The following GRID1 variants were observed in gnomAD, a reference collection of about 807,000 sequenced individuals.
GRID1 encodes glutamate receptor ionotropic, delta-1.
In GRID1, 28 loss-of-function variants were observed where a neutral mutation model predicts 98.0. The ratio of observed to expected loss-of-function variants is 0.29; its 90% CI spans 0.21 to 0.39. GRID1 has a LOEUF of 0.39. GRID1 is among the 10% of genes least tolerant of loss of function. The pLI is 1.00. For synonymous variants in GRID1, 553 were observed against 538.5 expected (o/e 1.03, Z -0.37); for missense variants, 1,111 against 1,340.5 (o/e 0.83, Z 2.67).
At chr10:85,617,488 C>T (rs539609862) in intron 14 of GRID1, among the ~76,000 whole-genome samples, 3 of 152,212 alleles carry the variant, frequency 2.0e-5, no homozygotes, top group South Asian at 4.1e-4. Context: ...CCCGCCTCAG[C>T]CTCCCAAAGT....
Position 85,604,805 on chromosome 10 carries a change from T to C in GRID1, c.2602-2104A>G, listed in dbSNP as rs187434263. Among the ~76,000 whole-genome samples the C allele has an allele frequency of 3.8e-3, 577 of 152,324 alleles. 5 individuals are homozygous for C. Among genetic ancestry groups the C allele is most frequent in the Non-Finnish European group, 3.3e-3 (227 of 68,030 alleles). ...TGCATGTAAGACTACTTTAGGAATATTTTATAACCGTTATACAGTGTGTTA... is the reference window on the plus strand; with the variant it reads ...TGCATGTAAGACTACTTTAGGAATACTTTATAACCGTTATACAGTGTGTTA... On this transcript the variant is annotated intron_variant, in intron 15 of 15. Coordinates refer to ENST00000327946, the MANE Select transcript of GRID1 (RefSeq NM_017551.3).
At chr10:85,786,752 C>T (rs901707177) in intron 8 of GRID1, among the ~76,000 whole-genome samples, 29 of 152,206 alleles carry the variant, frequency 1.9e-4, no homozygotes, top group African/African-American at 7.0e-4. Context: ...TGCCCCACCC[C>T]CCGCCAGGAC....
intron 2 of GRID1, among the ~76,000 whole-genome samples, chr10:86,323,489 T>C (rs1847998901): frequency 6.6e-6 from 1 of 152,282 alleles, no homozygotes; most frequent in South Asian, 2.1e-4. Context: ...CTACTCAGCT[T>C]TTAGGAAGGA....
intron 2 of GRID1, among the ~76,000 whole-genome samples, chr10:86,323,025 G>A (rs1375889053): frequency 1.3e-5 from 2 of 152,038 alleles, no homozygotes; most frequent in African/African-American, 2.4e-5. Context: ...AACCTGGGAG[G>A]TGCAGAAGTT....
chr10:86,295,224 T>G (rs1344539094), intron 2 of GRID1, among the ~76,000 whole-genome samples: 2 of 151,980 alleles, frequency 1.3e-5, no homozygotes, highest in African/African-American at 4.8e-5. Context: ...AGCGCAGGAA[T>G]CTTTAGGGCA....
At chr10:86,341,909 C>T (rs75094820) in intron 2 of GRID1, among the ~76,000 whole-genome samples, 1,976 of 152,320 alleles carry the variant, frequency 0.013, 42 homozygotes, top group African/African-American at 0.045. Context: ...GCCTTGGATT[C>T]TGTGCCAGAG....
chr10:86,195,758 C>T lies in GRID1; in HGVS notation c.520+10606G>A, dbSNP rs1404359260. Among the ~76,000 whole-genome samples the T allele has an allele frequency of 1.3e-5, 2 of 152,102 alleles. No homozygotes were observed. Among genetic ancestry groups the T allele is most frequent in the Non-Finnish European group, 2.9e-5 (2 of 67,972 alleles). On this transcript the variant is annotated intron_variant, in intron 3 of 15. Coordinates refer to ENST00000327946, the MANE Select transcript of GRID1 (RefSeq NM_017551.3). The surrounding 1 kb of genome is among the most constrained non-coding windows in gnomAD (Gnocchi z 4.4). ...CATGGCTGTGTCTGGGCGTGACCCC[C>T]ACCTTTTGGTTCTAAGTGGCCTTGT...
intron 4 of GRID1, among the ~76,000 whole-genome samples, chr10:86,107,280 C>A (rs1258777970): frequency 6.6e-6 from 1 of 152,214 alleles, no homozygotes; most frequent in Non-Finnish European, 1.5e-5. Context: ...CCTGCCCTGG[C>A]CCAAACAGCT....
At chr10:85,966,048 G>T (rs1842332564) in intron 4 of GRID1, among the ~76,000 whole-genome samples, 1 of 152,166 alleles carries the variant, frequency 6.6e-6, no homozygotes, top group African/African-American at 2.4e-5. Flanking sequence ...GTCTTAAAAA[G>T]TTCCATTCTC....
chr10:85,756,294 G>A lies in GRID1; in HGVS notation c.1234-26680C>T, dbSNP rs370651295. 2.0e-4 allele frequency among the ~76,000 whole-genome samples: 30 copies of A among 152,168 alleles called. No individual in the cohort carries two copies. The South Asian group carries it at 4.6e-3, about 23-fold the overall frequency. ...CATGGATAGAAGATTCGTTCTCGCC[G>A]TAGATCTTAGCAACCTCAGCATACA... On this transcript the variant is annotated intron_variant, in intron 8 of 15. Transcript: ENST00000327946.
At chr10:86,128,594 C>CAGGCACTGAT (rs1490399075) in intron 4 of GRID1, among the ~76,000 whole-genome samples, 1 of 152,142 alleles carries the variant, frequency 6.6e-6, no homozygotes, top group African/African-American at 2.4e-5. Flanking sequence ...CAGCAGGCAA[C>CAGGCACTGAT]AGGGAGGTGA....
At chr10:86,233,030 GATA>G (rs1488416949) in intron 2 of GRID1, among the ~76,000 whole-genome samples, 1 of 152,156 alleles carries the variant, frequency 6.6e-6, no homozygotes, top group Non-Finnish European at 1.5e-5. Context: ...AACCCTTCAG[GATA>G]ATTTCTCAGG....
intron 12 of GRID1, among the ~76,000 whole-genome samples, chr10:85,706,560 C>T (rs2132630001): frequency 1.3e-5 from 2 of 152,166 alleles, no homozygotes; most frequent in Admixed American, 1.3e-4. Flanking sequence ...AGATTCAATG[C>T]CATCCCCATC....
chr10:86,160,887 A>G (rs1845312189), intron 3 of GRID1, among the ~76,000 whole-genome samples: 2 of 152,236 alleles, frequency 1.3e-5, no homozygotes, highest in African/African-American at 4.8e-5. Context: ...AAAACGGTAT[A>G]GCCCACTGTC....
rs529125128 is a variant in GRID1, at chr10:85,765,702, C to T, written c.1234-36088G>A. ...TCACATTATTTATATGCAAATATTC[C>T]CAAATCAGAAAAAATCAGAAATCCA... On this transcript the variant is annotated intron_variant, in intron 8 of 15. Coordinates refer to ENST00000327946, the MANE Select transcript of GRID1 (RefSeq NM_017551.3). Among the ~76,000 whole-genome samples, 18 of 152,258 alleles carry T rather than the reference C, an allele frequency of 1.2e-4. No homozygotes were observed. In the East Asian group the frequency reaches 3.1e-3, roughly 26 times the overall value.
At chr10:86,252,846 C>T (rs1051896530) in intron 2 of GRID1, among the ~76,000 whole-genome samples, 1 of 152,196 alleles carries the variant, frequency 6.6e-6, no homozygotes, top group African/African-American at 2.4e-5. Flanking sequence ...TGCTGAGTCT[C>T]CAAGCAAAGT....
intron 4 of GRID1, among the ~76,000 whole-genome samples, chr10:86,011,285 C>T (rs1842921040): frequency 6.6e-6 from 1 of 152,140 alleles, no homozygotes; most frequent in Non-Finnish European, 1.5e-5. Flanking sequence ...CTGAAATAAA[C>T]TTTCTACTAG....
chr10:86,234,291 G>A (rs371655230), intron 2 of GRID1, among the ~76,000 whole-genome samples: 11 of 152,238 alleles, frequency 7.2e-5, no homozygotes, highest in Admixed American at 2.0e-4. Flanking sequence ...AACAAACATC[G>A]GGCACGTCTG....
chr10:85,870,855 C>G (rs541723850), intron 5 of GRID1, among the ~76,000 whole-genome samples: 1 of 152,202 alleles, frequency 6.6e-6, no homozygotes, highest in African/African-American at 2.4e-5. Context: ...GGTCAGTACA[C>G]CCCACAAAAT....
Sources: gnomAD v4.1 joint callset for allele counts (sites outside exome capture counted in the v4.1 genomes callset) on GRCh38, gnomAD v4.1.1 for gene constraint, Gnocchi (gnomAD v3.1) non-coding constraint, MANE v1.5 for transcripts, NCBI Gene and HGNC (gene_info 2026-07-23, HGNC 2026-07-21) for gene names.